Variants in MTMR6 observed in about 807,000 individuals in gnomAD.
MTMR6 encodes the protein myotubularin related protein 6, also known as phosphatidylinositol-3,5-bisphosphate 3-phosphatase MTMR6.
A neutral mutation model predicts 80.1 loss-of-function variants in MTMR6; 47 were observed. The ratio of observed to expected loss-of-function variants is 0.59; its 90% CI spans 0.46 to 0.75. The LOEUF (loss-of-function observed/expected upper bound fraction) is 0.75. Ranked by LOEUF, MTMR6 falls within the 30% of genes least tolerant of loss-of-function variation. The pLI, the probability that MTMR6 is intolerant of heterozygous loss-of-function variation, is 0.00. For synonymous variants in MTMR6, 254 were observed against 253.0 expected (o/e 1.00, Z -0.04); for missense variants, 629 against 730.9 (o/e 0.86, Z 1.61).
In MTMR6 at chr13:25,287,228, G is replaced by A. The variant is rs1957971275; in HGVS notation, c.20C>T (p.Thr7Ile). 6.3e-7 allele frequency: 1 copy of A among 1,598,326 alleles called. No homozygotes were observed. The highest frequency in any genetic ancestry group is 2.3e-5 in the East Asian group (1 of 43,792). Residue 7 changes from threonine (T) to isoleucine (I), a missense_variant, in exon 1 of 14, where the codon ACC (threonine) becomes ATC (isoleucine). By Grantham distance (89) the Thr-to-Ile change is moderately conservative (BLOSUM62 -1). Transcript: ENST00000381801. ...GGCGATCCCGCGCCCGACTACCTTG[G>A]TCGTCCGGATATGCTCCATCGCAAG... Reference protein sequence around the residue: MEHIRTTKVEQVKLLDR... With the variant: MEHIRTIKVEQVKLLDR...
chr13:25,270,849 C>T (rs9581309), intron 2 of MTMR6, among the ~76,000 whole-genome samples: 1 of 152,054 alleles, frequency 6.6e-6, no homozygotes, highest in Admixed American at 6.5e-5. Flanking sequence ...AGGGGTGTAC[C>T]ACAGAGCAAC....
chr13:25,266,272 G>C lies in MTMR6; in HGVS notation c.319C>G (p.Leu107Val), dbSNP rs1367231010. The C allele has an allele frequency of 6.2e-7, 1 of 1,611,124 alleles. No individual in the cohort carries two copies. Among genetic ancestry groups the C allele is most frequent in the Non-Finnish European group, 8.5e-7 (1 of 1,177,658 alleles). ...QLSKQAKYEDLYAFSYNPKQN... is the reference protein window; with the variant it reads ...QLSKQAKYEDVYAFSYNPKQN... ...TTGGGATTATAAGAAAATGCATAGA[G>C]ATCTTCATATTTTGCTACAGAATAC... Residue 107 changes from leucine to valine, a missense_variant, in exon 4 of 14, where the codon CTC becomes GTC. By Grantham distance (32) the Leu-to-Val change is conservative. Transcript: ENST00000381801.
At position 25,257,741 on chromosome 13, in the gene MTMR6, C is replaced by T; in HGVS notation, c.964G>A (p.Ala322Thr). The change falls in exon 8 of 14, where the codon GCC (alanine) becomes ACC (threonine). Residue 322 changes from alanine (A) to threonine (T), a missense_variant. Coordinates refer to ENST00000381801, the MANE Select transcript of MTMR6 (RefSeq NM_004685.5). ...TATGAAAGATAAAGTATTACTTTGG[C>T]CAAGAAGATTGCAGCATCCATAACA... ...KAVMDAAIFLAKAITVENASV... is the reference protein window; with the variant it reads ...KAVMDAAIFLTKAITVENASV... The T allele has an allele frequency of 6.2e-7, 1 of 1,607,854 alleles. No individual in the cohort carries two copies. The highest frequency in any genetic ancestry group is 8.5e-7 in the Non-Finnish European group (1 of 1,174,808).
intron 2 of MTMR6, among the ~76,000 whole-genome samples, chr13:25,268,943 C>T (rs1370137751): frequency 6.6e-6 from 1 of 152,230 alleles, no homozygotes; most frequent in African/African-American, 2.4e-5. Flanking sequence ...TCTCCCAACT[C>T]CCACTGCCTG....
intron 1 of MTMR6, among the ~76,000 whole-genome samples, chr13:25,283,230 A>G (rs1286276706): frequency 3.3e-5 from 5 of 152,166 alleles, no homozygotes; most frequent in African/African-American, 1.2e-4. Flanking sequence ...TAGGCTTGCT[A>G]TCAGAAAGAC....
In MTMR6 at chr13:25,267,896, T is replaced by C; in HGVS notation, c.187A>G (p.Thr63Ala). 1.2e-6 allele frequency: 2 copies of C among 1,612,804 alleles called. No homozygotes were observed. Among genetic ancestry groups the C allele is most frequent in the Non-Finnish European group, 1.7e-6 (2 of 1,179,434 alleles). Reference sequence around the variant, plus strand: ...TGTATCACAAGGGGGCATCCAGAAGTAGTCAAAGCAAGTTTCTCTACTGAG... The same window carrying C: ...TGTATCACAAGGGGGCATCCAGAAGCAGTCAAAGCAAGTTTCTCTACTGAG... ...IASVEKLALTTSGCPLVIQCK... is the reference protein window; with the variant it reads ...IASVEKLALTASGCPLVIQCK... Residue 63 changes from threonine (T) to alanine (A), a missense_variant, in exon 3 of 14, where the codon ACT becomes GCT. By Grantham distance (58) the Thr-to-Ala change is moderately conservative (BLOSUM62 0). Transcript: ENST00000381801.
intron 3 of MTMR6, among the ~76,000 whole-genome samples, chr13:25,267,496 G>T (rs1272594773): frequency 2.6e-5 from 4 of 152,058 alleles, no homozygotes; most frequent in Non-Finnish European, 4.4e-5. Flanking sequence ...TGTGCTACTT[G>T]CCATCAATAG....
At chr13:25,268,723 G>A (rs1047406025) in intron 2 of MTMR6, among the ~76,000 whole-genome samples, 5 of 152,176 alleles carry the variant, frequency 3.3e-5, no homozygotes, top group Non-Finnish European at 7.3e-5. Context: ...AGCCAGGGTT[G>A]CGCGCTCTGC....
chr13:25,257,299 C>G lies in MTMR6; in HGVS notation c.992G>C (p.Ser331Thr). 1 of 1,613,898 alleles carries G rather than the reference C, an allele frequency of 6.2e-7. No individual in the cohort carries two copies. The highest frequency in any genetic ancestry group is 1.1e-5 in the South Asian group (1 of 91,054). Residue 331 changes from serine to threonine, a missense_variant, in exon 9 of 14, where the codon AGT becomes ACT. Physicochemically the swap from Ser to Thr is moderately conservative, Grantham distance 58. Transcript: ENST00000381801. ...LAKAITVENA[S>T]VLVHCSDGWD... The stretch of plus-strand genomic sequence containing the variant: ...ACCATCGGAACAATGCACCAACACA[C>G]TTGCATTTTCAACTGTTATTGCCTG...
In MTMR6 at chr13:25,265,918, A is replaced by G. The variant is rs1018605053; in HGVS notation, c.492T>C (p.Tyr164=). The G allele has an allele frequency of 6.2e-7, 1 of 1,614,076 alleles. No individual in the cohort carries two copies. Among genetic ancestry groups the G allele is most frequent in the Non-Finnish European group, 8.5e-7 (1 of 1,179,908 alleles). Residue 164 remains tyrosine, a synonymous_variant, in exon 5 of 14, where the codon TAT becomes TAC. Transcript: ENST00000381801. ...KICETYPREL[Y]VPRIASKPII... ...TTGGTTTGCTTGCTATCCGGGGAAC[A>G]TAAAGTTCTCTGGGGTAAGTTTCAC...
At chr13:25,274,760 A>AG (rs1957667398) in intron 1 of MTMR6, among the ~76,000 whole-genome samples, 1 of 152,226 alleles carries the variant, frequency 6.6e-6, no homozygotes, top group South Asian at 2.1e-4. Flanking sequence ...AGACTCACTA[A>AG]CATCCTGCCT....
chr13:25,256,537 ATGAGT>A (rs1957212766), intron 9 of MTMR6, among the ~76,000 whole-genome samples: 1 of 152,192 alleles, frequency 6.6e-6, no homozygotes, highest in African/African-American at 2.4e-5. Flanking sequence ...TTAATTTACC[ATGAGT>A]TAAGATGTAA....
intron 9 of MTMR6, 115 bp downstream of exon 9, chr13:25,257,081 C>T: frequency 8.9e-7 from 1 of 1,123,996 alleles, no homozygotes; most frequent in African/African-American, 1.6e-5. Flanking sequence ...CCACGGATGC[C>T]AGTCTCATCA....
chr13:25,260,291 C>T (rs544012720), intron 6 of MTMR6, among the ~76,000 whole-genome samples: 126 of 152,074 alleles, frequency 8.3e-4, no homozygotes, highest in African/African-American at 2.9e-3. Flanking sequence ...GCCTCAGCCT[C>T]CCGAGTAGCT....
rs776283308 is a variant in MTMR6, at chr13:25,249,485, T to G, written c.1613A>C (p.Lys538Thr). The part of the protein sequence containing the change: ...KDIKDLESKI[K>T]QRKNKQTDGI... ...ATCTGTTTGCTTATTTTTGCGTTGT[T>G]TAATTTTCTAGAACAAACACAAATT... The change falls in exon 14 of 14, where the codon AAA (lysine) becomes ACA (threonine). Residue 538 changes from lysine (K) to threonine (T), a missense_variant. By Grantham distance (78) the Lys-to-Thr change is moderately conservative. Coordinates refer to ENST00000381801, the MANE Select transcript of MTMR6 (RefSeq NM_004685.5). 1.2e-6 allele frequency: 2 copies of G among 1,610,838 alleles called. No homozygotes were observed. The highest frequency in any genetic ancestry group is 2.7e-5 in the African/African-American group (2 of 74,864).
intron 1 of MTMR6, among the ~76,000 whole-genome samples, chr13:25,275,005 C>CACACAT (rs1957686730): frequency 1.3e-5 from 2 of 150,318 alleles, no homozygotes; most frequent in Non-Finnish European, 3.0e-5. Flanking sequence ...CACACACACA[C>CACACAT]ACTATGTTGC....
chr13:25,285,280 G>T (rs1024758797), intron 1 of MTMR6, among the ~76,000 whole-genome samples: 1 of 151,898 alleles, frequency 6.6e-6, no homozygotes, highest in African/African-American at 2.4e-5. Context: ...AATAACCAAG[G>T]GATCCTAAAT....
chr13:25,287,434 TC>T lies in MTMR6; in HGVS notation c.-188del. The T allele has an allele frequency of 1.4e-6, 1 of 706,798 alleles. No homozygotes were observed. The highest frequency in any genetic ancestry group is 2.4e-6 in the Non-Finnish European group (1 of 418,648). The allele number at this position is 706,798 out of a possible 1,614,324, so 43.8% of individuals were successfully genotyped here. On this transcript the variant is annotated 5_prime_UTR_variant, in exon 1 of 14. Coordinates refer to ENST00000381801, the MANE Select transcript of MTMR6 (RefSeq NM_004685.5). ...GTGAGCGCCGTCTCCTAGAAACACT[TC>T]CCCAAACCCCGCGGCCTCCCGGGGG...
chr13:25,283,027 A>T (rs1010386069), intron 1 of MTMR6, among the ~76,000 whole-genome samples: 11 of 151,974 alleles, frequency 7.2e-5, no homozygotes, highest in African/African-American at 2.7e-4. Flanking sequence ...CTCCCTCCCA[A>T]ATCTACTCAA....
Sources: allele counts gnomAD v4.1 joint callset (sites outside exome capture counted in the v4.1 genomes callset), GRCh38; gene constraint gnomAD v4.1.1; transcripts MANE v1.5; gene names NCBI Gene and HGNC (gene_info 2026-07-23, HGNC 2026-07-21).